Variants in TET1 observed in about 807,000 individuals in gnomAD.
The protein encoded by TET1 is tet methylcytosine dioxygenase 1, also known as methylcytosine dioxygenase TET1.
Under a neutral mutation model 148.7 loss-of-function variants are expected in TET1, and 13 were observed. That is an observed-to-expected ratio of 0.09 (90% CI 0.06 to 0.14). The LOEUF is 0.14. TET1 is among the 10% of genes least tolerant of loss of function. The probability of loss-of-function intolerance (pLI) is 1.00; values close to 1 mark genes in which losing one functional copy is unlikely to be tolerated. For synonymous variants in TET1, 907 were observed against 937.2 expected (o/e 0.97, Z 0.59); for missense variants, 2,182 against 2,553.8 (o/e 0.85, Z 3.14).
At chr10:68,639,509 C>A (rs1367016647) in intron 3 of TET1, among the ~76,000 whole-genome samples, 1 of 151,704 alleles carries the variant, frequency 6.6e-6, no homozygotes, top group Non-Finnish European at 1.5e-5. Flanking sequence ...GGGTCTCTCG[C>A]CCAGGCTGCA....
Position 68,662,809 on chromosome 10 carries a change from G to A in TET1, c.4462-4236G>A, listed in dbSNP as rs116473122. Among the ~76,000 whole-genome samples, 1,073 of 152,234 alleles carry A rather than the reference G, an allele frequency of 7.0e-3. 12 individuals carry two copies. Among genetic ancestry groups the A allele is most frequent in the African/African-American group, 0.024 (1,010 of 41,546 alleles). ...TTCTAGCTACTTGGGAGGGTTAGGC[G>A]GAAGGATCGAATGAGCCTGGAGAGC... On this transcript the variant is annotated intron_variant, in intron 6 of 11. Transcript: ENST00000373644.
intron 2 of TET1, among the ~76,000 whole-genome samples, chr10:68,595,609 C>CTTTTTTTTTTT (rs1564958558): frequency 3.4e-5 from 3 of 89,386 alleles, no homozygotes; most frequent in East Asian, 3.2e-4. Flanking sequence ...ACACACACAG[C>CTTTTTTTTTTT]TTCTTTTTTT....
chr10:68,614,175 C>T (rs7909641), intron 3 of TET1, among the ~76,000 whole-genome samples: 7,862 of 152,194 alleles, frequency 0.052, 719 homozygotes, highest in African/African-American at 0.18. Flanking sequence ...GATATTTGAT[C>T]ACTTCACTAA....
At position 68,601,022 on chromosome 10, in the gene TET1, C is replaced by A; in HGVS notation, c.1956C>A (p.Pro652=). 1 of 1,603,776 alleles carries A rather than the reference C, an allele frequency of 6.2e-7. No homozygotes were observed. The highest frequency in any genetic ancestry group is 8.5e-7 in the Non-Finnish European group (1 of 1,177,664). The change falls in exon 3 of 12, where the codon CCC becomes CCA. Residue 652 remains proline, a synonymous_variant. Coordinates refer to ENST00000373644, the MANE Select transcript of TET1 (RefSeq NM_030625.3). ...ENKRPQREKK[P]KVLKADFDNK... ...AGAGGCCCCAGAGGGAAAAGAAGCC[C>A]AAAGTTTTAAAGGTAATCAGCTGTT...
At chr10:68,675,555 A>G (rs541774380) in intron 8 of TET1, among the ~76,000 whole-genome samples, 15 of 148,108 alleles carry the variant, frequency 1.0e-4, no homozygotes, top group Non-Finnish European at 4.4e-5. Flanking sequence ...GCGTCAAACT[A>G]TCCACGTCAT....
At chr10:68,658,634 T>A (rs902626070) in intron 6 of TET1, among the ~76,000 whole-genome samples, 1 of 152,194 alleles carries the variant, frequency 6.6e-6, no homozygotes, top group Non-Finnish European at 1.5e-5. Flanking sequence ...AACTCTCACA[T>A]AATTATAGTC....
intron 2 of TET1, among the ~76,000 whole-genome samples, chr10:68,581,830 G>A (rs949074045): frequency 4.1e-5 from 6 of 145,958 alleles, no homozygotes; most frequent in South Asian, 2.3e-4. Context: ...GAGTGAGACC[G>A]TGTCTCAAAA....
At chr10:68,569,983 C>G (rs566647431) in intron 1 of TET1, among the ~76,000 whole-genome samples, 1 of 152,108 alleles carries the variant, frequency 6.6e-6, no homozygotes, top group East Asian at 1.9e-4. Context: ...AATTTCAACT[C>G]TTTTAGGTTC....
chr10:68,602,880 T>G (rs1175513116), intron 3 of TET1, among the ~76,000 whole-genome samples: 6 of 152,260 alleles, frequency 3.9e-5, no homozygotes, highest in Non-Finnish European at 7.3e-5. Flanking sequence ...ATAATTTTTT[T>G]TCTCATCCAA....
At chr10:68,621,017 T>C (rs980294086) in intron 3 of TET1, among the ~76,000 whole-genome samples, 1 of 152,266 alleles carries the variant, frequency 6.6e-6, no homozygotes, top group Non-Finnish European at 1.5e-5. Flanking sequence ...AATAGTACTT[T>C]ATGTCCTACA....
At chr10:68,636,795 G>T (rs980747970) in intron 3 of TET1, among the ~76,000 whole-genome samples, 1 of 152,118 alleles carries the variant, frequency 6.6e-6, no homozygotes, top group Non-Finnish European at 1.5e-5. Flanking sequence ...GGAGTCTAGG[G>T]TCACACAGTT....
intron 3 of TET1, among the ~76,000 whole-genome samples, chr10:68,625,921 T>C (rs2054470580): frequency 6.6e-6 from 1 of 151,370 alleles, no homozygotes; most frequent in South Asian, 2.1e-4. Context: ...ACCCAGTGTC[T>C]ATAAAATACA....
At chr10:68,577,738 G>A (rs1303035996) in intron 2 of TET1, among the ~76,000 whole-genome samples, 2 of 152,182 alleles carry the variant, frequency 1.3e-5, no homozygotes, top group East Asian at 3.9e-4. Context: ...GAACCTGGAG[G>A]GGGGCGTTGC....
intron 2 of TET1, among the ~76,000 whole-genome samples, chr10:68,593,082 A>C (rs986617414): frequency 6.6e-6 from 1 of 152,000 alleles, no homozygotes; most frequent in Non-Finnish European, 1.5e-5. Context: ...TACAAAAAAA[A>C]TTACCTGGGC....
chr10:68,676,157 T>G (rs992726042), intron 8 of TET1, among the ~76,000 whole-genome samples: 1 of 129,194 alleles, frequency 7.7e-6, no homozygotes, highest in African/African-American at 3.0e-5. Flanking sequence ...ACCTGGCCTT[T>G]TGTGTGTGTG....
chr10:68,641,567 C>T (rs1311801659), intron 3 of TET1, among the ~76,000 whole-genome samples: 3 of 151,684 alleles, frequency 2.0e-5, no homozygotes, highest in African/African-American at 4.8e-5. Flanking sequence ...GGCACGATCT[C>T]GGCTCACTGC....
In TET1 at chr10:68,617,006, C is replaced by CTTTTTTT. The variant is rs71019039; in HGVS notation, c.1968+16004_1968+16010dup. Among the ~76,000 whole-genome samples the CTTTTTTT allele has an allele frequency of 1.8e-4, 7 of 39,612 alleles. 2 individuals are homozygous for CTTTTTTT. Among genetic ancestry groups the CTTTTTTT allele is most frequent in the Non-Finnish European group, 2.7e-4 (6 of 22,016 alleles). 26.0% of individuals were successfully genotyped at this position (39,612 alleles called of 152,430 possible). On this transcript the variant is annotated intron_variant, in intron 3 of 11. Transcript: ENST00000373644. ...ACAGGCATGAGCCACCGCGCCTGGC[C>CTTTTTTT]TTTTTTTTTTTTTTTTTTTTTTTTT... is the stretch of plus-strand genomic sequence containing the variant.
rs994326565 is a variant in TET1, at chr10:68,658,953, C to T, written c.4461+6359C>T. ...ATTTAAGAATTTCCCAGCTGGCCAG[C>T]GTGGTGGCTCATGCCTGTAAACCCA... is the stretch of plus-strand genomic sequence containing the variant. On this transcript the variant is annotated intron_variant, in intron 6 of 11. Transcript: ENST00000373644. Among the ~76,000 whole-genome samples, 7 of 152,270 alleles carry T rather than the reference C, an allele frequency of 4.6e-5. No homozygotes were observed. The East Asian group carries it at 1.2e-3, about 25-fold the overall frequency.
At chr10:68,656,674 C>T (rs2055026276) in intron 6 of TET1, among the ~76,000 whole-genome samples, 1 of 152,212 alleles carries the variant, frequency 6.6e-6, no homozygotes, top group Admixed American at 6.5e-5. Flanking sequence ...CTAGAATTAG[C>T]ACTCAATAAA....
Sources: allele counts gnomAD v4.1 joint callset (sites outside exome capture counted in the v4.1 genomes callset), GRCh38; gene constraint gnomAD v4.1.1; transcripts MANE v1.5; gene names NCBI Gene and HGNC (gene_info 2026-07-23, HGNC 2026-07-21).